The following REN variants were observed in gnomAD, a reference collection of about 807,000 sequenced individuals.
The protein encoded by REN is angiotensin-forming enzyme.
A neutral mutation model predicts 48.6 loss-of-function variants in REN; 42 were observed. The observed-to-expected ratio is 0.86, with a 90% confidence interval of 0.68 to 1.12. The LOEUF is 1.12. REN is among the 50% of genes most tolerant of loss of function. The probability of loss-of-function intolerance (pLI) is 0.00; values close to 1 mark genes in which losing one functional copy is unlikely to be tolerated. For missense variants in REN, 443 were observed against 527.3 expected (o/e 0.84, Z 1.57); for synonymous variants, 196 against 204.6 (o/e 0.96, Z 0.36).
chr1:204,160,636 T>C lies in REN; in HGVS notation c.416A>G (p.Lys139Arg), dbSNP rs1658227637. 1 of 1,614,146 alleles carries C rather than the reference T, an allele frequency of 6.2e-7. No individual in the cohort carries two copies. The highest frequency in any genetic ancestry group is 8.5e-7 in the Non-Finnish European group (1 of 1,180,002). ...GAGGGTGAGTTCTGTTCCATTGTGC[T>C]TGTAGCTGGAGGAATCCGAAGCATC... ...LFDASDSSSY[K>R]HNGTELTLRY... The change falls in exon 4 of 10, where the codon AAG becomes AGG. Residue 139 changes from lysine (K) to arginine (R), a missense_variant. By Grantham distance (26) the Lys-to-Arg change is conservative. Transcript: ENST00000272190.
rs200035358 is a variant in REN, at chr1:204,157,345, G to T, written c.698+16C>A. On this transcript the variant is annotated intron_variant, in intron 6 of 9. Transcript: ENST00000272190. ...TACTGGAAGGTCACAGCCATGTGGG[G>T]GTTTTGTCTCCTTACTCGGAATCTC... is the stretch of plus-strand genomic sequence containing the variant. 1 of 1,614,230 alleles carries T rather than the reference G, an allele frequency of 6.2e-7. No individual in the cohort carries two copies. The highest frequency in any genetic ancestry group is 1.7e-5 in the Admixed American group (1 of 60,036).
chr1:204,157,300 T>C, intron 6 of REN, 61 bp downstream of exon 6: 1 of 1,611,228 alleles, frequency 6.2e-7, no homozygotes. Flanking sequence ...TGTGTAATTC[T>C]AGGTCAGGTG....
Position 204,156,408 on chromosome 1 carries a change from G to T in REN, c.819-89C>A. ...CAGGCTGCATGTCCTTCCTGAGTGT[G>T]GGTGGGTGGGTGGAGGCCACGCTGG... On this transcript the variant is annotated intron_variant, in intron 7 of 9. Transcript: ENST00000272190. This position sits in a 1 kb window ranked among gnomAD's most constrained non-coding sequence, Gnocchi z 4.2. 2 of 1,427,394 alleles carry T rather than the reference G, an allele frequency of 1.4e-6. No homozygotes were observed. The highest frequency in any genetic ancestry group is 1.9e-6 in the Non-Finnish European group (2 of 1,047,610). The allele number at this position is 1,427,394 out of a possible 1,614,324, so 88.4% of individuals were successfully genotyped here.
chr1:204,161,274 G>C lies in REN; in HGVS notation c.373+18C>G. The C allele has an allele frequency of 6.3e-7, 1 of 1,585,760 alleles. No individual in the cohort carries two copies. Among genetic ancestry groups the C allele is most frequent in the Non-Finnish European group, 8.6e-7 (1 of 1,164,482 alleles). ...GGCAGGGGGATGGAGGAGAGGCACTGTGGGTCTTAGGTCTCACCACAGGCA... is the reference window on the plus strand; with the variant it reads ...GGCAGGGGGATGGAGGAGAGGCACTCTGGGTCTTAGGTCTCACCACAGGCA... On this transcript the variant is annotated intron_variant, in intron 3 of 9. Transcript: ENST00000272190.
chr1:204,155,339 C>G (rs533933184), intron 9 of REN, among the ~76,000 whole-genome samples, 162 bp from the exon 10 acceptor site: 1 of 152,160 alleles, frequency 6.6e-6, no homozygotes, highest in East Asian at 1.9e-4. Context: ...TTTGCCCCAT[C>G]GTGGACTGCA....
At chr1:204,157,166 G>A (rs1399968300) in intron 6 of REN, among the ~76,000 whole-genome samples, 195 bp downstream of exon 6, 3 of 152,202 alleles carry the variant, frequency 2.0e-5, no homozygotes, top group African/African-American at 7.2e-5. Context: ...CATGGGAGGG[G>A]ACCCTGGGGA....
chr1:204,161,414 G>T lies in REN; in HGVS notation c.251C>A (p.Thr84Asn), dbSNP rs370001090. ...GATGCCAATCTCGCCATAGTACTGG[G>T]TCTGTGGGGGTAAAAAGAGAGGGCT... ...SSVILTNYMD[T>N]QYYGEIGIGT... The change falls in exon 3 of 10, where the codon ACC (threonine) becomes AAC (asparagine). Residue 84 changes from threonine to asparagine, a missense_variant and splice_region_variant. Coordinates refer to ENST00000272190, the MANE Select transcript of REN (RefSeq NM_000537.4). 134 of 1,556,942 alleles carry T rather than the reference G, an allele frequency of 8.6e-5. 3 individuals carry two copies. In the South Asian group the frequency reaches 1.4e-3, roughly 17 times the overall value.
Position 204,160,637 on chromosome 1 carries a change from T to C in REN, c.415A>G (p.Lys139Glu). 6.2e-7 allele frequency: 1 copy of C among 1,614,126 alleles called. No homozygotes were observed. Among genetic ancestry groups the C allele is most frequent in the Non-Finnish European group, 8.5e-7 (1 of 1,179,992 alleles). Reference sequence around the variant, plus strand: ...AGGGTGAGTTCTGTTCCATTGTGCTTGTAGCTGGAGGAATCCGAAGCATCG... The same window carrying C: ...AGGGTGAGTTCTGTTCCATTGTGCTCGTAGCTGGAGGAATCCGAAGCATCG... Reference protein sequence around the residue: ...LFDASDSSSYKHNGTELTLRY... With the variant: ...LFDASDSSSYEHNGTELTLRY... The change falls in exon 4 of 10, where the codon AAG becomes GAG. Residue 139 changes from lysine (K) to glutamate (E), a missense_variant. Transcript: ENST00000272190.
In REN at chr1:204,156,688, A is replaced by C. The variant is rs1254527179; in HGVS notation, c.807T>G (p.Ile269Met). 1 of 1,604,560 alleles carries C rather than the reference A, an allele frequency of 6.2e-7. No homozygotes were observed. The highest frequency in any genetic ancestry group is 1.7e-5 in the Admixed American group (1 of 59,688). ...TGAGGATTTCTGACCCCTTCATTTGAATCTGCCAGACACCAGTCTTGATGA... is the reference window on the plus strand; with the variant it reads ...TGAGGATTTCTGACCCCTTCATTTGCATCTGCCAGACACCAGTCTTGATGA... The part of the protein sequence containing the change: ...INLIKTGVWQ[I>M]QMKGVSVGSS... Residue 269 changes from isoleucine (I) to methionine (M), a missense_variant, in exon 7 of 10, where the codon ATT becomes ATG. Transcript: ENST00000272190. This position sits in a 1 kb window ranked among gnomAD's most constrained non-coding sequence, Gnocchi z 4.2.
At position 204,161,195 on chromosome 1, in the gene REN, G is replaced by C. The variant is rs563162541; in HGVS notation, c.373+97C>G. On this transcript the variant is annotated intron_variant, in intron 3 of 9. Transcript: ENST00000272190. ...GAGGCAGAGAGGAAGCCACTCCCTT[G>C]GTGGCAAGAGGGATGGGAGCTGGGT... The C allele has an allele frequency of 2.2e-5, 30 of 1,355,110 alleles. 1 individual carries two copies. In the South Asian group the frequency reaches 4.4e-4, roughly 20 times the overall value. The allele number at this position is 1,355,110 out of a possible 1,614,324, so 83.9% of individuals were successfully genotyped here. A position where few individuals can be genotyped will look rare whatever the true frequency, so the allele number is the denominator to read the frequency against.
At chr1:204,155,973 A>G (rs995779537) in intron 8 of REN, 55 bp from the exon 9 acceptor site, 8 of 1,508,136 alleles carry the variant, frequency 5.3e-6, no homozygotes, top group Non-Finnish European at 7.4e-6. Context: ...CTCAGCAGAC[A>G]AGGAGTCCTG....
At chr1:204,157,250 G>C in intron 6 of REN, 111 bp downstream of exon 6, 1 of 1,408,250 alleles carries the variant, frequency 7.1e-7, no homozygotes. Context: ...GGCATCTAGC[G>C]GAGGCTGGGC....
chr1:204,162,955 A>T (rs938797270), intron 1 of REN, among the ~76,000 whole-genome samples: 11 of 152,242 alleles, frequency 7.2e-5, no homozygotes, highest in Non-Finnish European at 1.5e-5. Context: ...GCTAGCTGTC[A>T]TCCATTTTAT....
Position 204,156,254 on chromosome 1 carries a change from G to A in REN, c.884C>T (p.Ala295Val). The A allele has an allele frequency of 6.2e-7, 1 of 1,614,218 alleles. No homozygotes were observed. Among genetic ancestry groups the A allele is most frequent in the Non-Finnish European group, 8.5e-7 (1 of 1,180,030 alleles). ...GCTGGTAGAACCTGAGATGTAGGAT[G>A]CACCGGTGTCTACCAATGCCAGGCA... ...DGCLALVDTGASYISGSTSSI... is the reference protein window; with the variant it reads ...DGCLALVDTGVSYISGSTSSI... The change falls in exon 8 of 10, where the codon GCA becomes GTA. Residue 295 changes from alanine to valine, a missense_variant. By Grantham distance (64) the Ala-to-Val change is moderately conservative. Transcript: ENST00000272190. This position sits in a 1 kb window ranked among gnomAD's most constrained non-coding sequence, Gnocchi z 4.2.
chr1:204,155,053 C>A lies in REN; in HGVS notation c.1184G>T (p.Arg395Leu), dbSNP rs772034401. Residue 395 changes from arginine (R) to leucine (L), a missense_variant, in exon 10 of 10, where the codon CGG becomes CTG. By Grantham distance (102) the Arg-to-Leu change is moderately radical (BLOSUM62 -2). Coordinates refer to ENST00000272190, the MANE Select transcript of REN (RefSeq NM_000537.4). ...FIRKFYTEFD[R>L]RNNRIGFALA... Reference sequence around the variant, plus strand: ...GGCGAAGCCAATGCGGTTGTTACGCCGATCAAACTCTGTGTAGAACTTTCG... The same window carrying A: ...GGCGAAGCCAATGCGGTTGTTACGCAGATCAAACTCTGTGTAGAACTTTCG... 6.8e-6 allele frequency: 11 copies of A among 1,614,062 alleles called. No homozygotes were observed. The highest frequency in any genetic ancestry group is 7.6e-6 in the Non-Finnish European group (9 of 1,180,044).
intron 1 of REN, among the ~76,000 whole-genome samples, chr1:204,163,887 A>G (rs1658292889): frequency 6.6e-6 from 1 of 152,192 alleles, no homozygotes; most frequent in Non-Finnish European, 1.5e-5. Context: ...CAATGGGCCT[A>G]ATGGTAGTAC....
chr1:204,156,847 C>A lies in REN; in HGVS notation c.699-51G>T. ...GAAACCCATAACCTCCAGGACCCAG[C>A]AACTCAGGCAATTGGGGAAGGTTGC... On this transcript the variant is annotated intron_variant, in intron 6 of 9. Coordinates refer to ENST00000272190, the MANE Select transcript of REN (RefSeq NM_000537.4). This position sits in a 1 kb window ranked among gnomAD's most constrained non-coding sequence, Gnocchi z 4.2. 1.2e-6 allele frequency: 2 copies of A among 1,609,404 alleles called. No individual in the cohort carries two copies. Among genetic ancestry groups the A allele is most frequent in the Middle Eastern group, 1.7e-4 (1 of 5,856 alleles).
At chr1:204,159,273 C>G (rs2102312632) in intron 5 of REN, 126 bp downstream of exon 5, 1 of 812,642 alleles carries the variant, frequency 1.2e-6, no homozygotes, top group South Asian at 1.4e-5. Flanking sequence ...TAGTACAGCT[C>G]TAGATATTGA....
intron 4 of REN, among the ~76,000 whole-genome samples, chr1:204,160,294 G>A (rs536101600): frequency 1.1e-4 from 16 of 152,322 alleles, no homozygotes; most frequent in Non-Finnish European, 1.5e-4. Context: ...CTGCAGCCAC[G>A]GGGCTCAGGA....
Sources: allele counts gnomAD v4.1 joint callset (sites outside exome capture counted in the v4.1 genomes callset), GRCh38; gene constraint gnomAD v4.1.1; non-coding constraint Gnocchi (gnomAD v3.1); transcripts MANE v1.5; gene names NCBI Gene and HGNC (gene_info 2026-07-23, HGNC 2026-07-21).